Variants in SNX25 observed in about 807,000 individuals in gnomAD.
SNX25 encodes the protein sorting nexin-25.
Under a neutral mutation model 113.7 loss-of-function variants are expected in SNX25, and 62 were observed. The ratio of observed to expected loss-of-function variants is 0.55; its 90% CI spans 0.44 to 0.67. SNX25 has a LOEUF of 0.67. Ranked by LOEUF, SNX25 falls within the 30% of genes least tolerant of loss-of-function variation. The probability of loss-of-function intolerance (pLI) is 0.00; values close to 1 mark genes in which losing one functional copy is unlikely to be tolerated. For synonymous variants in SNX25, 421 were observed against 436.2 expected (o/e 0.97, Z 0.43); for missense variants, 1,014 against 1,161.0 (o/e 0.87, Z 1.84).
Position 185,210,089 on chromosome 4 carries a change from G to C in SNX25, c.263G>C (p.Ser88Thr). ...GAGGCGGCGGGGGCCGCGGGGCTGA[G>C]CTCCGTCCTGTTCAGGCTCAGCCTG... is the stretch of plus-strand genomic sequence containing the variant. ...SGEAAGAAGL[S>T]SVLFRLSLYL... Residue 88 changes from serine to threonine, a missense_variant, in exon 1 of 19, where the codon AGC becomes ACC. Transcript: ENST00000652585. This position sits in a 1 kb window ranked among gnomAD's most constrained non-coding sequence, Gnocchi z 4.4. 1 of 980,330 alleles carries C rather than the reference G, an allele frequency of 1.0e-6. No individual in the cohort carries two copies. The highest frequency in any genetic ancestry group is 1.2e-6 in the Non-Finnish European group (1 of 825,862). 60.7% of individuals were successfully genotyped at this position (980,330 alleles called of 1,614,324 possible).
At chr4:185,377,148 G>C in the SNX25 span, 2 of 691,876 alleles carry the variant, frequency 2.9e-6, no homozygotes, top group Admixed American at 4.6e-5. Context: ...CCTACAACTG[G>C]CCTCCTTAGC....
At chr4:185,266,677 T>A (rs1748135775) in intron 4 of SNX25, among the ~76,000 whole-genome samples, 1 of 152,086 alleles carries the variant, frequency 6.6e-6, no homozygotes, top group East Asian at 1.9e-4. Flanking sequence ...TTTGATAGAT[T>A]TGTTAGCAAC....
intron 2 of SNX25, 45 bp from the exon 3 acceptor site, chr4:185,258,803 G>A (rs1746816160): frequency 6.6e-7 from 1 of 1,506,890 alleles, no homozygotes; most frequent in Admixed American, 1.7e-5. Context: ...CTTGGTGTTT[G>A]CTTCTTTCAT....
chr4:185,287,864 G>A (rs570241926), intron 5 of SNX25, 148 bp from the exon 6 acceptor site: 15 of 620,076 alleles, frequency 2.4e-5, no homozygotes, highest in Admixed American at 1.0e-4. Context: ...GTAGATGCTC[G>A]GTCTATGTCG....
upstream of SNX25, among the ~76,000 whole-genome samples, chr4:185,205,585 T>G (rs1469884982): frequency 6.6e-6 from 1 of 152,156 alleles, no homozygotes; most frequent in Non-Finnish European, 1.5e-5. Flanking sequence ...ATTCCGCACT[T>G]TGAGAGGCTG....
At chr4:185,245,761 C>A (rs1283437726) in intron 1 of SNX25, among the ~76,000 whole-genome samples, 1 of 152,172 alleles carries the variant, frequency 6.6e-6, no homozygotes, top group Non-Finnish European at 1.5e-5. Flanking sequence ...TGCTTGCAAA[C>A]ATTTTCCCAT....
chr4:185,375,984 A>G, the SNX25 span, among the ~76,000 whole-genome samples: 1 of 152,134 alleles, frequency 6.6e-6, no homozygotes, highest in African/African-American at 2.4e-5. Flanking sequence ...GAAAAGTGAG[A>G]GAGTAAGTGG....
intron 1 of SNX25, among the ~76,000 whole-genome samples, chr4:185,217,676 A>G (rs1013395724): frequency 1.3e-5 from 2 of 152,154 alleles, no homozygotes; most frequent in Admixed American, 6.5e-5. Context: ...TTCGTTTCCC[A>G]ACCATATCAT....
At chr4:185,253,868 C>A (rs1746019451) in intron 2 of SNX25, among the ~76,000 whole-genome samples, 1 of 152,218 alleles carries the variant, frequency 6.6e-6, no homozygotes, top group South Asian at 2.1e-4. Flanking sequence ...GTAATTGTTA[C>A]ATACACAGGG....
chr4:185,370,823 A>G, downstream of SNX25: 1 of 1,613,766 alleles, frequency 6.2e-7, no homozygotes, highest in African/African-American at 1.3e-5. Flanking sequence ...TCCTGAGAGG[A>G]TGTAGAGTTG....
At chr4:185,368,799 T>TG (rs201898069), downstream of SNX25, among the ~76,000 whole-genome samples, 1,040 of 150,082 alleles carry the variant, frequency 6.9e-3, 11 homozygotes, top group African/African-American at 0.025. Flanking sequence ...TGTTTTGTTT[T>TG]TTTTTTTTTT....
intron 1 of SNX25, among the ~76,000 whole-genome samples, chr4:185,212,491 G>GTTTCTGTTTTTT (rs1553980597): frequency 1.2e-4 from 13 of 104,940 alleles, no homozygotes; most frequent in African/African-American, 4.1e-4. Flanking sequence ...GTGTGTGTGT[G>GTTTCTGTTTTTT]TTTTTTTTTT....
At chr4:185,275,750 C>T (rs1261511622) in intron 5 of SNX25, among the ~76,000 whole-genome samples, 1 of 152,172 alleles carries the variant, frequency 6.6e-6, no homozygotes, top group African/African-American at 2.4e-5. Flanking sequence ...TACCTCCATA[C>T]AAACTAATAC....
intron 7 of SNX25, among the ~76,000 whole-genome samples, chr4:185,315,227 CA>C (rs1231470928): frequency 9.7e-5 from 11 of 113,966 alleles, no homozygotes; most frequent in East Asian, 9.0e-4. Context: ...GACTCCATCT[CA>C]AAAAAAAAGA....
downstream of SNX25, among the ~76,000 whole-genome samples, chr4:185,371,435 G>A (rs899363181): frequency 1.3e-5 from 2 of 151,586 alleles, no homozygotes; most frequent in Non-Finnish European, 2.9e-5. Flanking sequence ...CCAGCTACTC[G>A]GGAGGCTGAG....
intron 6 of SNX25, among the ~76,000 whole-genome samples, chr4:185,308,466 C>T (rs958241394): frequency 2.6e-5 from 4 of 152,106 alleles, no homozygotes; most frequent in Non-Finnish European, 4.4e-5. Context: ...GTGGAGGGAG[C>T]GTTAGAAGCC....
intron 6 of SNX25, among the ~76,000 whole-genome samples, chr4:185,289,040 G>A (rs1374970091): frequency 1.3e-5 from 2 of 152,184 alleles, no homozygotes; most frequent in Admixed American, 6.5e-5. Context: ...CTTGGACCTG[G>A]ACTTGCCTCC....
At chr4:185,369,185 C>T (rs1223205185) in intron 11 of SNX25, among the ~76,000 whole-genome samples, 1 of 149,836 alleles carries the variant, frequency 6.7e-6, no homozygotes, top group Admixed American at 6.6e-5. Flanking sequence ...TAGGATAGAA[C>T]CTGAAATCGG....
downstream of SNX25, chr4:185,374,247 G>A: frequency 6.2e-7 from 1 of 1,614,078 alleles, no homozygotes; most frequent in Non-Finnish European, 8.5e-7. Flanking sequence ...CAGTCTACAA[G>A]AGAAAGTGAG....
Sources: allele counts gnomAD v4.1 joint callset (sites outside exome capture counted in the v4.1 genomes callset), GRCh38; gene constraint gnomAD v4.1.1; non-coding constraint Gnocchi (gnomAD v3.1); transcripts MANE v1.5; gene names NCBI Gene and HGNC (gene_info 2026-07-23, HGNC 2026-07-21).